The following KIF13B variants were observed in gnomAD, a reference collection of about 807,000 sequenced individuals.
KIF13B encodes kinesin-like protein KIF13B.
Under a neutral mutation model 222.0 loss-of-function variants are expected in KIF13B, and 127 were observed. That is an observed-to-expected ratio of 0.57 (90% CI 0.50 to 0.66). The LOEUF (loss-of-function observed/expected upper bound fraction) is 0.66. KIF13B is among the 30% of genes least tolerant of loss of function. KIF13B has a pLI of 0.00. For synonymous variants in KIF13B, 976 were observed against 919.0 expected (o/e 1.06, Z -1.12); for missense variants, 2,173 against 2,379.0 (o/e 0.91, Z 1.80).
At chr8:29,109,859 C>T in intron 33 of KIF13B, 59 bp downstream of exon 33, 1 of 1,550,212 alleles carries the variant, frequency 6.5e-7, no homozygotes, top group Non-Finnish European at 8.8e-7. Flanking sequence ...CAGAGTCAAA[C>T]ACAGACTCAG....
intron 4 of KIF13B, 74 bp downstream of exon 4, chr8:29,190,923 A>T: frequency 8.6e-7 from 1 of 1,167,856 alleles, no homozygotes; most frequent in Non-Finnish European, 1.3e-6. Flanking sequence ...TTTGCCAAGC[A>T]ATCGTGTAAG....
chr8:29,255,726 T>C (rs908773494), intron 1 of KIF13B, among the ~76,000 whole-genome samples: 105 of 152,280 alleles, frequency 6.9e-4, no homozygotes, highest in African/African-American at 2.4e-3. Flanking sequence ...TACCAATTAA[T>C]TCGTTTCAGT....
At chr8:29,129,826 T>C (rs575942140) in intron 24 of KIF13B, among the ~76,000 whole-genome samples, 4 of 152,338 alleles carry the variant, frequency 2.6e-5, no homozygotes, top group Admixed American at 2.6e-4. Flanking sequence ...ACACCTGGCA[T>C]GTCAGGCCCT....
At chr8:29,122,395 C>T (rs565249280) in intron 29 of KIF13B, among the ~76,000 whole-genome samples, 196 bp downstream of exon 29, 4 of 152,212 alleles carry the variant, frequency 2.6e-5, no homozygotes, top group Admixed American at 1.3e-4. Context: ...TGGTGAAGCA[C>T]GCCTATTATT....
Position 29,255,307 on chromosome 8 carries a change from G to A in KIF13B, c.55+7673C>T, listed in dbSNP as rs147596653. ...TCTAAAAACCAAGAAGAAAAAACTC[G>A]GAATGGATGACCCCAGTACCCTCAA... On this transcript the variant is annotated intron_variant, in intron 1 of 39. Transcript: ENST00000524189. 2.2e-3 allele frequency among the ~76,000 whole-genome samples: 330 copies of A among 152,158 alleles called. 1 individual carries two copies. The highest frequency in any genetic ancestry group is 6.4e-3 in the African/African-American group (267 of 41,478).
At chr8:29,139,591 C>T (rs563515429) in intron 21 of KIF13B, among the ~76,000 whole-genome samples, 3 of 152,312 alleles carry the variant, frequency 2.0e-5, no homozygotes, top group East Asian at 1.9e-4. Flanking sequence ...GTGGCTGACA[C>T]GTAACTTACT....
At chr8:29,190,755 G>C in intron 4 of KIF13B, 2 of 495,932 alleles carry the variant, frequency 4.0e-6, no homozygotes, top group South Asian at 4.3e-5. Flanking sequence ...GCTGTCCCCA[G>C]GTAGAGAGCA....
rs188221963 is a variant in KIF13B, at chr8:29,163,034, T to C, written c.1270-2167A>G. 1.6e-3 allele frequency among the ~76,000 whole-genome samples: 251 copies of C among 152,332 alleles called. 1 individual carries two copies. Among genetic ancestry groups the C allele is most frequent in the Non-Finnish European group, 3.3e-3 (222 of 68,036 alleles). On this transcript the variant is annotated intron_variant, in intron 12 of 39. Coordinates refer to ENST00000524189, the MANE Select transcript of KIF13B (RefSeq NM_015254.4). ...GCAGACCAGGTTTAAATCACATGCA[T>C]TGTCTGTCAACCCCTGATCTATCTC...
chr8:29,103,707 G>C (rs553284160), intron 35 of KIF13B, among the ~76,000 whole-genome samples: 2 of 151,796 alleles, frequency 1.3e-5, no homozygotes, highest in Non-Finnish European at 2.9e-5. Context: ...ACAAATAGAG[G>C]AATGGAAAGC....
chr8:29,161,816 G>GT (rs199732719), intron 12 of KIF13B, among the ~76,000 whole-genome samples: 1,918 of 151,496 alleles, frequency 0.013, 24 homozygotes, highest in African/African-American at 0.03. Flanking sequence ...GTTCTACTTC[G>GT]TAACTGTTCA....
rs555766379 is a variant in KIF13B, at chr8:29,226,163, C to T, written c.149+19183G>A. Among the ~76,000 whole-genome samples, 284 of 152,250 alleles carry T rather than the reference C, an allele frequency of 1.9e-3. 3 individuals are homozygous for T. The highest frequency in any genetic ancestry group is 0.017 in the Middle Eastern group (5 of 294). On this transcript the variant is annotated intron_variant, in intron 2 of 39. Transcript: ENST00000524189. ...GTAACACCTGAGTAATTCCCAACTT[C>T]CTGGTTCCAGGAAAAGAGAGAAGGT...
intron 5 of KIF13B, 105 bp downstream of exon 5, chr8:29,188,410 A>C: frequency 1.5e-6 from 1 of 645,234 alleles, no homozygotes. Context: ...TTCTGAAAGC[A>C]AAAACAACAA....
chr8:29,140,448 G>C lies in KIF13B; in HGVS notation c.2484+20C>G. The C allele has an allele frequency of 6.2e-7, 1 of 1,608,856 alleles. No individual in the cohort carries two copies. The highest frequency in any genetic ancestry group is 8.5e-7 in the Non-Finnish European group (1 of 1,176,528). ...TTAAACTATTCTCTACAGGAAACAA[G>C]GCATGAAGAGAAAACCAACCTCTCC... On this transcript the variant is annotated intron_variant, in intron 20 of 39. Coordinates refer to ENST00000524189, the MANE Select transcript of KIF13B (RefSeq NM_015254.4).
At chr8:29,153,492 T>A (rs113780877) in intron 14 of KIF13B, among the ~76,000 whole-genome samples, 986 of 84,402 alleles carry the variant, frequency 0.012, 13 homozygotes, top group African/African-American at 0.038. Context: ...AAGGGAAGAA[T>A]TTGGAAGGGC....
chr8:29,096,455 C>T (rs968010076), intron 36 of KIF13B, among the ~76,000 whole-genome samples: 4 of 151,794 alleles, frequency 2.6e-5, no homozygotes, highest in Non-Finnish European at 2.9e-5. Flanking sequence ...TGTACCACCA[C>T]GCTCAGCTGA....
chr8:29,168,361 A>C (rs1317351632), intron 10 of KIF13B, among the ~76,000 whole-genome samples: 2 of 152,234 alleles, frequency 1.3e-5, no homozygotes, highest in African/African-American at 4.8e-5. Context: ...GCACAAAAGA[A>C]GACTTGGGGC....
At chr8:29,076,816 T>C (rs2133486225) in intron 37 of KIF13B, among the ~76,000 whole-genome samples, 2 of 152,148 alleles carry the variant, frequency 1.3e-5, no homozygotes, top group South Asian at 4.2e-4. Context: ...CTTAAAGACC[T>C]GGAAGGACTG....
At chr8:29,119,135 T>C (rs897931206) in intron 29 of KIF13B, 143 bp from the exon 30 acceptor site, 25 of 835,044 alleles carry the variant, frequency 3.0e-5, no homozygotes, top group Non-Finnish European at 4.4e-5. Flanking sequence ...ACACTGAAGA[T>C]GACCACTTAA....
rs1465816007 is a variant in KIF13B at position 29,067,388 on chromosome 8, T to TA, written c.*3115dup. 6.6e-6 allele frequency: 1 copy of TA among 152,596 alleles called. No individual in the cohort carries two copies. The highest frequency in any genetic ancestry group is 1.9e-4 in the East Asian group (1 of 5,204). The allele number at this position is 152,596 out of a possible 1,614,324, so 9.5% of individuals were successfully genotyped here. A position where few individuals can be genotyped will look rare whatever the true frequency, so the allele number is the denominator to read the frequency against. On this transcript the variant is annotated 3_prime_UTR_variant, in exon 40 of 40. Transcript: ENST00000524189. Reference sequence around the variant, plus strand: ...TAGTTCATTACATGATACAAATCATTAGAGTCTTTACAAGTCATTAGAGTC... The same window carrying TA: ...TAGTTCATTACATGATACAAATCATTAAGAGTCTTTACAAGTCATTAGAGTC...
Sources: gnomAD v4.1 joint callset for allele counts (sites outside exome capture counted in the v4.1 genomes callset) on GRCh38, gnomAD v4.1.1 for gene constraint, MANE v1.5 for transcripts, NCBI Gene and HGNC (gene_info 2026-07-23, HGNC 2026-07-21) for gene names.